AKAP9: variants seen among roughly 807,000 people sequenced by gnomAD.
The protein encoded by AKAP9 is A-kinase anchor protein 9.
AKAP9 carries 311 observed loss-of-function variants against 488.5 expected under a neutral mutation model. That is an observed-to-expected ratio of 0.64 (90% CI 0.58 to 0.70). The LOEUF (loss-of-function observed/expected upper bound fraction) is 0.70. Ranked by LOEUF, AKAP9 falls within the 30% of genes least tolerant of loss-of-function variation. The pLI is 0.00. For synonymous variants in AKAP9, 1,462 were observed against 1,483.5 expected, an observed-to-expected ratio of 0.99 and a Z score of 0.33; for missense variants, 4,215 against 4,374.5, an observed-to-expected ratio of 0.96 and a Z score of 1.03.
chr7:92,103,110 G>A (rs1362192522), intron 46 of AKAP9, among the ~76,000 whole-genome samples: 1 of 152,130 alleles, frequency 6.6e-6, no homozygotes, highest in East Asian at 1.9e-4. Context: ...AACAATCTGG[G>A]CCAGGCGTGG....
intron 1 of AKAP9, among the ~76,000 whole-genome samples, chr7:91,963,521 C>CACACACACAA (rs1794030596): frequency 6.8e-6 from 1 of 147,202 alleles, no homozygotes; most frequent in Non-Finnish European, 1.5e-5. Flanking sequence ...CACACACACA[C>CACACACACAA]ACACACATAT....
intron 24 of AKAP9, among the ~76,000 whole-genome samples, chr7:92,064,936 A>AT (rs767985157): frequency 2.7e-3 from 393 of 144,616 alleles, no homozygotes; most frequent in South Asian, 0.017. Flanking sequence ...GTAAAAATAG[A>AT]TTTTTTTTTT....
At chr7:92,060,007 A>G (rs926182113) in intron 22 of AKAP9, among the ~76,000 whole-genome samples, 1 of 151,964 alleles carries the variant, frequency 6.6e-6, no homozygotes, top group African/African-American at 2.4e-5. Flanking sequence ...CAAATAAGTT[A>G]TAAGTGATAT....
intron 14 of AKAP9, among the ~76,000 whole-genome samples, chr7:92,023,558 A>G (rs1033464551): frequency 1.3e-5 from 2 of 152,188 alleles, no homozygotes; most frequent in Admixed American, 1.3e-4. Context: ...TCAAAAATAT[A>G]TCCAAACTGT....
chr7:92,077,092 C>CTTTTTTT (rs201649179), intron 29 of AKAP9, 85 bp downstream of exon 29: 5 of 296,968 alleles, frequency 1.7e-5, no homozygotes, highest in Admixed American at 6.7e-5. Flanking sequence ...ATTATTATTT[C>CTTTTTTT]TTTCTTTTTT....
In AKAP9 at chr7:92,001,392, ATG is replaced by A; in HGVS notation, c.1478_1479del (p.Val493GlyfsTer4). 2.5e-6 allele frequency: 4 copies of A among 1,613,914 alleles called. No homozygotes were observed. The highest frequency in any genetic ancestry group is 3.4e-6 in the Non-Finnish European group (4 of 1,179,816). On this transcript the variant is annotated frameshift_variant, in exon 8 of 50. Coordinates refer to ENST00000356239, the MANE Select transcript of AKAP9 (RefSeq NM_005751.5). LOFTEE classifies it high-confidence loss of function. ...AATGAAGATCAGATAAAGTTAATGA[ATG>A]TGGCAATAAATGAACTGAATATAAA...
At chr7:92,024,868 A>T (rs964818230) in intron 14 of AKAP9, among the ~76,000 whole-genome samples, 10 of 152,158 alleles carry the variant, frequency 6.6e-5, no homozygotes, top group Admixed American at 2.6e-4. Flanking sequence ...TTTTATTTGA[A>T]ACCTACATAT....
At position 91,941,116 on chromosome 7, in the gene AKAP9, G is replaced by A; in HGVS notation, c.17G>A (p.Arg6Lys). Residue 6 changes from arginine (R) to lysine (K), a missense_variant, in exon 1 of 50, where the codon AGA becomes AAA. Arg to Lys is a conservative substitution (Grantham distance 26, BLOSUM62 2). Transcript: ENST00000356239. ...GCAGAGGCCATGGAGGACGAGGAGAGACAGAAGAAGCTGGAGGCCGGCAAA... is the reference window on the plus strand; with the variant it reads ...GCAGAGGCCATGGAGGACGAGGAGAAACAGAAGAAGCTGGAGGCCGGCAAA... MEDEERQKKLEAGKAK... is the reference protein window; with the variant it reads MEDEEKQKKLEAGKAK... 1.2e-6 allele frequency: 2 copies of A among 1,614,118 alleles called. No homozygotes were observed. Among genetic ancestry groups the A allele is most frequent in the South Asian group, 1.1e-5 (1 of 91,080 alleles).
At chr7:92,063,218 C>T (rs1398856384) in intron 24 of AKAP9, among the ~76,000 whole-genome samples, 2 of 152,038 alleles carry the variant, frequency 1.3e-5, no homozygotes, top group Admixed American at 6.6e-5. Flanking sequence ...GAAGTTTCTT[C>T]CAGCTGCTCA....
At chr7:92,102,090 A>C (rs986351984) in intron 45 of AKAP9, among the ~76,000 whole-genome samples, 1 of 151,938 alleles carries the variant, frequency 6.6e-6, no homozygotes, top group Non-Finnish European at 1.5e-5. Context: ...TGGGAGACGG[A>C]GGTTGCAGTG....
In AKAP9 at chr7:92,003,280, G is replaced by A. The variant is rs770691041; in HGVS notation, c.3318+45G>A. On this transcript the variant is annotated intron_variant, in intron 8 of 49. Coordinates refer to ENST00000356239, the MANE Select transcript of AKAP9 (RefSeq NM_005751.5). ...TATGGTAAAGCACAATGAAAAAAAT[G>A]TACATTTCACACTAAGGTTTCACCT... is the stretch of plus-strand genomic sequence containing the variant. 4 of 1,432,582 alleles carry A rather than the reference G, an allele frequency of 2.8e-6. No homozygotes were observed. In the South Asian group the frequency reaches 3.5e-5, roughly 13 times the overall value. The allele number at this position is 1,432,582 out of a possible 1,614,324, so 88.7% of individuals were successfully genotyped here. A position where few individuals can be genotyped will look rare whatever the true frequency, so the allele number is the denominator to read the frequency against.
At chr7:91,979,196 G>A (rs537172503) in intron 2 of AKAP9, among the ~76,000 whole-genome samples, 7 of 151,892 alleles carry the variant, frequency 4.6e-5, no homozygotes, top group East Asian at 1.9e-4. Context: ...CAGACATACC[G>A]GAGACTAGGT....
At chr7:92,024,140 G>T (rs1802727321) in intron 14 of AKAP9, among the ~76,000 whole-genome samples, 1 of 151,276 alleles carries the variant, frequency 6.6e-6, no homozygotes, top group Non-Finnish European at 1.5e-5. Context: ...GGCTGGTCGT[G>T]GTGGCTCATG....
At chr7:92,105,442 C>T (rs557323006) in intron 46 of AKAP9, among the ~76,000 whole-genome samples, 7 of 152,266 alleles carry the variant, frequency 4.6e-5, no homozygotes, top group African/African-American at 1.7e-4. Flanking sequence ...GAACCTGATG[C>T]TGGCAATATA....
chr7:92,039,052 C>T (rs1340146380), intron 17 of AKAP9, among the ~76,000 whole-genome samples: 4 of 152,112 alleles, frequency 2.6e-5, no homozygotes, highest in East Asian at 1.9e-4. Context: ...ACTCCATGCG[C>T]GTGCCACCAC....
In AKAP9 at chr7:92,100,943, C is replaced by T. The variant is rs1430462964; in HGVS notation, c.10984C>T (p.Leu3662Phe). ...KEVWNREKLT[L>F]QKSLKRAEAE... Reference sequence around the variant, plus strand: ...AGTATGGAACAGAGAAAAATTGACTCTCCAGAAATCTTTGAAAAGGGCAGA... The same window carrying T: ...AGTATGGAACAGAGAAAAATTGACTTTCCAGAAATCTTTGAAAAGGGCAGA... Residue 3662 changes from leucine (L) to phenylalanine (F), a missense_variant, in exon 45 of 50, where the codon CTC (leucine) becomes TTC (phenylalanine). Physicochemically the swap from Leu to Phe is conservative, Grantham distance 22 (BLOSUM62 0). This residue lies in a region of AKAP9 where 74 missense variants were observed against 113.0 expected (regional missense o/e 0.65). Transcript: ENST00000356239. The T allele has an allele frequency of 2.5e-6, 4 of 1,614,010 alleles. No homozygotes were observed. Among genetic ancestry groups the T allele is most frequent in the East Asian group, 4.5e-5 (2 of 44,892 alleles).
intron 1 of AKAP9, among the ~76,000 whole-genome samples, chr7:91,957,795 A>C (rs1367328716): frequency 6.6e-6 from 1 of 152,226 alleles, no homozygotes; most frequent in Non-Finnish European, 1.5e-5. Context: ...ATAAACTAAC[A>C]CTTCAAATTT....
At chr7:92,043,562 G>T (rs1806477030) in intron 20 of AKAP9, among the ~76,000 whole-genome samples, 1 of 151,670 alleles carries the variant, frequency 6.6e-6, no homozygotes, top group South Asian at 2.1e-4. Flanking sequence ...TTTCTCTTAA[G>T]TAGAAATATT....
At chr7:92,035,910 C>A (rs2130770057) in intron 16 of AKAP9, among the ~76,000 whole-genome samples, 1 of 152,118 alleles carries the variant, frequency 6.6e-6, no homozygotes, top group East Asian at 1.9e-4. Flanking sequence ...TTTCAATTTA[C>A]CCACATTTTT....
Sources: gnomAD v4.1 joint callset for allele counts (sites outside exome capture counted in the v4.1 genomes callset) on GRCh38, gnomAD v4.1.1 for gene constraint, gnomAD v4.1.1 regional missense constraint, MANE v1.5 for transcripts, NCBI Gene and HGNC (gene_info 2026-07-23, HGNC 2026-07-21) for gene names.